GPHN: variants seen among roughly 807,000 people sequenced by gnomAD.
GPHN encodes gephyrin.
In GPHN, 17 loss-of-function variants were observed where a neutral mutation model predicts 95.5. The ratio of observed to expected loss-of-function variants is 0.18; its 90% CI spans 0.12 to 0.27. The LOEUF (loss-of-function observed/expected upper bound fraction) is 0.27. GPHN is among the 10% of genes least tolerant of loss of function. The probability of loss-of-function intolerance (pLI) is 1.00; values close to 1 mark genes in which losing one functional copy is unlikely to be tolerated. For synonymous variants in GPHN, 320 were observed against 322.5 expected (o/e 0.99, Z 0.08); for missense variants, 660 against 978.1 (o/e 0.67, Z 4.34).
At chr14:67,171,380 A>G (rs939364210) in intron 21 of GPHN, among the ~76,000 whole-genome samples, 6 of 149,876 alleles carry the variant, frequency 4.0e-5, no homozygotes, top group East Asian at 1.9e-4. Flanking sequence ...TAAAGAAAAA[A>G]AAAAAGAAAA....
At chr14:66,563,375 G>T (rs8017362) in intron 1 of GPHN, among the ~76,000 whole-genome samples, 49,576 of 151,640 alleles carry the variant, frequency 0.33, 11,856 homozygotes, top group African/African-American at 0.65. Flanking sequence ...AGGTCTACTG[G>T]TCCAAAGGCA....
At chr14:67,546,858 G>C in the GPHN span, among the ~76,000 whole-genome samples, 1 of 152,132 alleles carries the variant, frequency 6.6e-6, no homozygotes, top group Non-Finnish European at 1.5e-5. Context: ...GCAAAATCCT[G>C]TCTCAAAGGA....
the GPHN span, chr14:67,384,805 C>T: frequency 6.6e-6 from 1 of 152,110 alleles, no homozygotes; most frequent in Non-Finnish European, 1.5e-5. Flanking sequence ...GATTGCTAGC[C>T]AGCATTCCAT....
the GPHN span, chr14:67,579,412 G>A: frequency 4.2e-6 from 4 of 959,788 alleles, no homozygotes; most frequent in South Asian, 5.9e-5. Context: ...GTTCACTGTT[G>A]CCCCAGAAGT....
At chr14:66,647,049 A>G (rs1029690316) in intron 1 of GPHN, among the ~76,000 whole-genome samples, 2 of 144,624 alleles carry the variant, frequency 1.4e-5, no homozygotes, top group Non-Finnish European at 3.0e-5. Context: ...GGCACATGCC[A>G]CCATACCTGG....
the GPHN span, among the ~76,000 whole-genome samples, chr14:67,417,631 A>G: frequency 6.6e-6 from 1 of 152,062 alleles, no homozygotes; most frequent in Non-Finnish European, 1.5e-5. Flanking sequence ...GAGATGGCCT[A>G]TGTTGCTCAG....
chr14:67,319,396 T>G, the GPHN span, among the ~76,000 whole-genome samples: 1 of 152,186 alleles, frequency 6.6e-6, no homozygotes, highest in South Asian at 2.1e-4. Flanking sequence ...CTGTCATAAT[T>G]TATACCTCAT....
chr14:67,256,440 T>C, the GPHN span, among the ~76,000 whole-genome samples: 1 of 152,230 alleles, frequency 6.6e-6, no homozygotes, highest in Non-Finnish European at 1.5e-5. Context: ...ACCATGAAAT[T>C]AATTTTAACA....
At chr14:67,044,204 A>G (rs1448863396) in intron 10 of GPHN, among the ~76,000 whole-genome samples, 8 of 152,006 alleles carry the variant, frequency 5.3e-5, no homozygotes, top group Non-Finnish European at 1.2e-4. Flanking sequence ...AGGCATGGTG[A>G]CACATACCCG....
chr14:67,516,395 GA>G, the GPHN span, among the ~76,000 whole-genome samples: 6 of 124,654 alleles, frequency 4.8e-5, no homozygotes, highest in African/African-American at 1.5e-4. Context: ...AACCTAGCTG[GA>G]GAGGGGGGGA....
the GPHN span, among the ~76,000 whole-genome samples, chr14:67,193,165 C>CATCT: frequency 1.1e-4 from 14 of 130,688 alleles, no homozygotes; most frequent in African/African-American, 3.3e-4. Context: ...TCTATATAGA[C>CATCT]ATCTATATAT....
chr14:67,319,031 C>G, the GPHN span, among the ~76,000 whole-genome samples: 1 of 150,536 alleles, frequency 6.6e-6, no homozygotes, highest in African/African-American at 2.5e-5. Flanking sequence ...GCACTCCAGC[C>G]TGGGCGACAG....
chr14:67,260,982 A>G, the GPHN span, among the ~76,000 whole-genome samples: 1 of 152,152 alleles, frequency 6.6e-6, no homozygotes, highest in East Asian at 1.9e-4. Context: ...AATGCCCTGG[A>G]GTCAAGCAGA....
At chr14:67,621,774 C>A in the GPHN span, among the ~76,000 whole-genome samples, 3 of 151,498 alleles carry the variant, frequency 2.0e-5, no homozygotes, top group Non-Finnish European at 4.4e-5. Context: ...TAAGGGAGAA[C>A]CCTTCTCTTA....
At chr14:67,391,088 C>T in the GPHN span, among the ~76,000 whole-genome samples, 1 of 152,156 alleles carries the variant, frequency 6.6e-6, no homozygotes, top group Non-Finnish European at 1.5e-5. Context: ...CACAGGCAAA[C>T]TTGAACCCAA....
chr14:67,637,347 G>C, the GPHN span, among the ~76,000 whole-genome samples: 4 of 146,522 alleles, frequency 2.7e-5, no homozygotes, highest in East Asian at 6.3e-4. Flanking sequence ...GGAGGTGGAG[G>C]TTGCAGTGAG....
chr14:67,347,513 TTTTC>T, the GPHN span: 39 of 1,469,054 alleles, frequency 2.7e-5, no homozygotes, highest in Admixed American at 1.6e-4. Flanking sequence ...TTTTTTTTTT[TTTTC>T]TGAGACGGAG....
the GPHN span, among the ~76,000 whole-genome samples, chr14:67,366,382 A>G: frequency 6.6e-6 from 1 of 152,180 alleles, no homozygotes; most frequent in Non-Finnish European, 1.5e-5. Context: ...TTCTTTTTCT[A>G]TTGTATAAAA....
At chr14:66,943,448 C>T (rs2067543155) in intron 8 of GPHN, among the ~76,000 whole-genome samples, 1 of 152,176 alleles carries the variant, frequency 6.6e-6, no homozygotes, top group Non-Finnish European at 1.5e-5. Context: ...CTAGCCTTAC[C>T]ATTTATGGAG....
Sources: allele counts gnomAD v4.1 joint callset (sites outside exome capture counted in the v4.1 genomes callset), GRCh38; gene constraint gnomAD v4.1.1; transcripts MANE v1.5; gene names NCBI Gene and HGNC (gene_info 2026-07-23, HGNC 2026-07-21).